Variants in ARHGAP15 observed in about 807,000 individuals in gnomAD.
ARHGAP15 encodes the protein Rho GTPase activating protein 15.
Under a neutral mutation model 63.7 loss-of-function variants are expected in ARHGAP15, and 51 were observed. The observed-to-expected ratio is 0.80, with a 90% CI of 0.64 to 1.01. ARHGAP15 has a LOEUF of 1.01. Ranked by LOEUF, ARHGAP15 falls within the 50% of genes least tolerant of loss-of-function variation. The pLI is 0.00. For missense variants in ARHGAP15, 560 were observed against 564.6 expected, an observed-to-expected ratio of 0.99 and a Z score of 0.08; for synonymous variants, 191 against 193.8, an observed-to-expected ratio of 0.99 and a Z score of 0.12.
chr2:143,239,296 TG>T (rs1693770076), intron 5 of ARHGAP15, among the ~76,000 whole-genome samples: 1 of 152,212 alleles, frequency 6.6e-6, no homozygotes, highest in Admixed American at 6.5e-5. Flanking sequence ...CCTAATTTTT[TG>T]TGTGCAATGA....
intron 6 of ARHGAP15, among the ~76,000 whole-genome samples, chr2:143,271,539 G>C (rs138405799): frequency 1.3e-5 from 2 of 152,204 alleles, no homozygotes; most frequent in African/African-American, 4.8e-5. Context: ...GCAGTGGCGC[G>C]ATCTCGTCTC....
rs181318415 is a variant in ARHGAP15, at chr2:143,694,538, G to A, written c.1139-8881G>A. Reference sequence around the variant, plus strand: ...TAATAATATCTCAGTCCTGATAAATGCCAGAGCCAGGCAGAGGTGTTTATC... The same window carrying A: ...TAATAATATCTCAGTCCTGATAAATACCAGAGCCAGGCAGAGGTGTTTATC... On this transcript the variant is annotated intron_variant, in intron 12 of 13. Transcript: ENST00000295095. Among the ~76,000 whole-genome samples the A allele has an allele frequency of 1.7e-3, 265 of 152,212 alleles. 1 individual carries two copies. Among genetic ancestry groups the A allele is most frequent in the African/African-American group, 5.9e-3 (245 of 41,510 alleles).
At chr2:143,531,633 T>G (rs75307680) in intron 10 of ARHGAP15, among the ~76,000 whole-genome samples, 7,960 of 152,298 alleles carry the variant, frequency 0.052, 287 homozygotes, top group Non-Finnish European at 0.081. Flanking sequence ...CCTGCTAACT[T>G]GAAGGTAAGC....
chr2:143,611,031 T>C (rs1459667695), intron 11 of ARHGAP15, among the ~76,000 whole-genome samples: 2 of 152,146 alleles, frequency 1.3e-5, no homozygotes, highest in Non-Finnish European at 2.9e-5. Context: ...ACCTGGCCTT[T>C]TACAGTGTAT....
chr2:143,330,855 A>G (rs1010888424), intron 6 of ARHGAP15, among the ~76,000 whole-genome samples: 2 of 152,360 alleles, frequency 1.3e-5, no homozygotes, highest in Middle Eastern at 3.4e-3. Context: ...CACATTAAAC[A>G]TAAATAACCT....
At chr2:143,223,625 G>A (rs1693086218) in intron 4 of ARHGAP15, among the ~76,000 whole-genome samples, 1 of 152,180 alleles carries the variant, frequency 6.6e-6, no homozygotes, top group African/African-American at 2.4e-5. Context: ...GTTCAGCATT[G>A]CAGGATGGCC....
At chr2:143,293,233 A>G (rs1682487704) in intron 6 of ARHGAP15, among the ~76,000 whole-genome samples, 2 of 152,048 alleles carry the variant, frequency 1.3e-5, no homozygotes, top group East Asian at 1.9e-4. Context: ...CCCAATAAGC[A>G]TTCACTGAGT....
At chr2:143,759,346 A>G (rs148320015) in intron 13 of ARHGAP15, among the ~76,000 whole-genome samples, 2 of 152,178 alleles carry the variant, frequency 1.3e-5, no homozygotes, top group South Asian at 2.1e-4. Context: ...TCTTCCATAT[A>G]AGGTAATGAT....
At chr2:143,289,118 A>AT (rs1682259630) in intron 6 of ARHGAP15, among the ~76,000 whole-genome samples, 1 of 152,110 alleles carries the variant, frequency 6.6e-6, no homozygotes, top group African/African-American at 2.4e-5. Context: ...GCAAAAGAGC[A>AT]TTTTTATATG....
chr2:143,596,149 G>A (rs1697509451), intron 11 of ARHGAP15, among the ~76,000 whole-genome samples: 1 of 152,034 alleles, frequency 6.6e-6, no homozygotes, highest in Admixed American at 6.6e-5. Context: ...ACCTTAGAAT[G>A]GAAATGTGGC....
intron 12 of ARHGAP15, among the ~76,000 whole-genome samples, chr2:143,693,229 A>C (rs1302511028): frequency 6.6e-6 from 1 of 152,170 alleles, no homozygotes; most frequent in Non-Finnish European, 1.5e-5. Flanking sequence ...TAAACACACA[A>C]AGCAATGGGA....
At chr2:143,520,872 A>T (rs528714507) in intron 10 of ARHGAP15, among the ~76,000 whole-genome samples, 1 of 152,186 alleles carries the variant, frequency 6.6e-6, no homozygotes, top group Non-Finnish European at 1.5e-5. Flanking sequence ...ATGTGTAAAG[A>T]AGCGCTCCAT....
At chr2:143,684,317 C>A (rs144096251) in intron 12 of ARHGAP15, among the ~76,000 whole-genome samples, 38 of 152,308 alleles carry the variant, frequency 2.5e-4, no homozygotes, top group African/African-American at 7.5e-4. Context: ...GGACATCCTT[C>A]ACTCATTTGA....
intron 6 of ARHGAP15, among the ~76,000 whole-genome samples, chr2:143,326,689 C>T (rs16822355): frequency 0.13 from 20,325 of 151,936 alleles, 1,880 homozygotes; most frequent in African/African-American, 0.27. Context: ...ACTTTTCTAC[C>T]CTGTGATATT....
intron 3 of ARHGAP15, among the ~76,000 whole-genome samples, chr2:143,203,793 G>A (rs909240111): frequency 6.6e-6 from 1 of 151,858 alleles, no homozygotes; most frequent in Non-Finnish European, 1.5e-5. Flanking sequence ...GAATTTCCTA[G>A]GGCATCTCAT....
At chr2:143,559,199 A>G (rs994525727) in intron 11 of ARHGAP15, among the ~76,000 whole-genome samples, 8 of 152,232 alleles carry the variant, frequency 5.3e-5, no homozygotes, top group African/African-American at 9.6e-5. Context: ...AAGCCATGCT[A>G]GAAACAAACA....
intron 6 of ARHGAP15, among the ~76,000 whole-genome samples, chr2:143,416,029 G>A (rs181444194): frequency 1.7e-3 from 255 of 152,056 alleles, no homozygotes; most frequent in Admixed American, 5.8e-3. Flanking sequence ...TGCAGTGTAT[G>A]CTGCCTGGGT....
intron 6 of ARHGAP15, among the ~76,000 whole-genome samples, chr2:143,428,454 A>G (rs1391471855): frequency 6.6e-6 from 1 of 151,810 alleles, no homozygotes; most frequent in African/African-American, 2.4e-5. Flanking sequence ...ATCATATCCA[A>G]GTTTCAGAGG....
intron 11 of ARHGAP15, chr2:143,587,578 C>A: frequency 3.1e-6 from 1 of 322,092 alleles, no homozygotes; most frequent in Non-Finnish European, 6.5e-6. Flanking sequence ...TTATTTCAAA[C>A]AAATCAAATA....
Sources: allele counts gnomAD v4.1 joint callset (sites outside exome capture counted in the v4.1 genomes callset), GRCh38; gene constraint gnomAD v4.1.1; transcripts MANE v1.5; gene names NCBI Gene and HGNC (gene_info 2026-07-23, HGNC 2026-07-21).